CACNA1C: variants seen among roughly 807,000 people sequenced by gnomAD.
CACNA1C encodes the protein calcium voltage-gated channel subunit alpha1 C.
CACNA1C carries 30 observed loss-of-function variants against 229.0 expected under a neutral mutation model. That is an observed-to-expected ratio of 0.13 (90% confidence interval 0.10 to 0.18). CACNA1C has a LOEUF of 0.18. Among genes scored for constraint, CACNA1C ranks in the 10% least tolerant of loss-of-function variants. The probability of loss-of-function intolerance (pLI) is 1.00; values close to 1 mark genes in which losing one functional copy is unlikely to be tolerated. For synonymous variants in CACNA1C, 1,114 were observed against 1,132.5 expected (o/e 0.98, Z 0.33); for missense variants, 1,658 against 2,845.0 (o/e 0.58, Z 9.49).
chr12:2,356,490 A>G (rs11062200), intron 3 of CACNA1C, among the ~76,000 whole-genome samples: 18,219 of 152,278 alleles, frequency 0.12, 2,227 homozygotes, highest in African/African-American at 0.31. Context: ...CTGTATGCCC[A>G]GGAAAGGGGG....
At chr12:2,002,008 C>A (rs975887128) in intron 1 of CACNA1C, among the ~76,000 whole-genome samples, 1 of 152,122 alleles carries the variant, frequency 6.6e-6, no homozygotes, top group African/African-American at 2.4e-5. Context: ...ATTTTGGAGG[C>A]GGGGGGCAGT....
intron 3 of CACNA1C, among the ~76,000 whole-genome samples, chr12:2,230,581 A>G (rs1401523999): frequency 6.6e-6 from 1 of 152,202 alleles, no homozygotes; most frequent in Non-Finnish European, 1.5e-5. Flanking sequence ...CGGCCTCAGT[A>G]GCTGGCCGTC....
chr12:2,149,000 CTT>C (rs2094980086), intron 3 of CACNA1C, among the ~76,000 whole-genome samples: 1 of 152,020 alleles, frequency 6.6e-6, no homozygotes, highest in Non-Finnish European at 1.5e-5. Flanking sequence ...GAGAATATGA[CTT>C]TTCCTTGGGT....
Position 2,550,020 on chromosome 12 carries a change from G to A in CACNA1C, c.1468G>A (p.Gly490Arg), listed in dbSNP as rs121912775. 641 of 1,605,038 alleles carry A rather than the reference G, an allele frequency of 4.0e-4. 4 individuals are homozygous for A. The highest frequency in any genetic ancestry group is 1.7e-3 in the Middle Eastern group (10 of 6,050). Residue 490 changes from glycine (G) to arginine (R), a missense_variant, in exon 10 of 47, where the codon GGG (glycine) becomes AGG (arginine). Around this residue, in one of 20 missense-constraint regions of CACNA1C, gnomAD observed 149 missense variants for 194.2 expected, o/e 0.77. Transcript: ENST00000399655. ...AGGDIEGENC[G>R]ARLAHRISKS... ...AGGTGACATCGAGGGAGAAAACTGC[G>A]GGGCCAGGCTGGCGTGAGTAGGCAC...
chr12:2,237,085 C>T (rs960793478), intron 3 of CACNA1C, among the ~76,000 whole-genome samples: 3 of 152,128 alleles, frequency 2.0e-5, no homozygotes, highest in Non-Finnish European at 2.9e-5. Context: ...GCTTGCTTGT[C>T]GTGTGGGGCA....
chr12:2,310,448 A>G (rs1051233711), intron 3 of CACNA1C, among the ~76,000 whole-genome samples: 13 of 152,064 alleles, frequency 8.5e-5, no homozygotes, highest in African/African-American at 2.4e-4. Context: ...AGGCAAAATG[A>G]CATTGACAGA....
intron 5 of CACNA1C, among the ~76,000 whole-genome samples, chr12:2,462,619 C>A (rs528026363): frequency 6.6e-6 from 1 of 152,218 alleles, no homozygotes; most frequent in Non-Finnish European, 1.5e-5. Context: ...CATGGTTACA[C>A]GGACGCCCAT....
Position 2,135,677 on chromosome 12 carries a change from G to T in CACNA1C, c.477+15247G>T, listed in dbSNP as rs1460708117. ...CAGTCTGCCCGTTCTCAGATCTCCAGCCGCGTGCTGGGAGAACCACTGCTC... is the reference window on the plus strand; with the variant it reads ...CAGTCTGCCCGTTCTCAGATCTCCATCCGCGTGCTGGGAGAACCACTGCTC... On this transcript the variant is annotated intron_variant, in intron 3 of 46. Transcript: ENST00000399655. Among the ~76,000 whole-genome samples the T allele has an allele frequency of 2.1e-5, 3 of 144,176 alleles. 1 individual carries two copies. Among genetic ancestry groups the T allele is most frequent in the Non-Finnish European group, 4.5e-5 (3 of 66,962 alleles). 94.6% of individuals were successfully genotyped at this position (144,176 alleles called of 152,430 possible).
intron 34 of CACNA1C, chr12:2,659,991 G>T: frequency 5.0e-6 from 1 of 200,342 alleles, no homozygotes; most frequent in South Asian, 1.1e-4. Flanking sequence ...CATTGAAGTG[G>T]ACAGTGAATG....
chr12:2,076,381 C>A (rs911047170), intron 1 of CACNA1C, among the ~76,000 whole-genome samples: 1 of 152,054 alleles, frequency 6.6e-6, no homozygotes, highest in African/African-American at 2.4e-5. Flanking sequence ...CAAGAGGATA[C>A]GATAAATAAA....
rs2099700247 is a variant in CACNA1C, at chr12:2,486,939, C to T, written c.916+677C>T. The stretch of plus-strand genomic sequence containing the variant: ...TTTTGAGCCTTCCCACTTCACGTTC[C>T]TTCCATAAATCAATATATTTAACAG... On this transcript the variant is annotated intron_variant, in intron 6 of 46. Coordinates refer to ENST00000399655, the MANE Select transcript of CACNA1C (RefSeq NM_000719.7). The surrounding 1 kb of genome is among the most constrained non-coding windows in gnomAD (Gnocchi z 4.9). Among the ~76,000 whole-genome samples, 1 of 152,202 alleles carries T rather than the reference C, an allele frequency of 6.6e-6. No homozygotes were observed.
At chr12:2,567,278 T>C (rs538906614) in intron 12 of CACNA1C, among the ~76,000 whole-genome samples, 307 of 152,238 alleles carry the variant, frequency 2.0e-3, no homozygotes, top group Non-Finnish European at 3.1e-3. Flanking sequence ...TCTCTGAAAA[T>C]GGGCATGACG....
chr12:2,681,834 C>A lies in CACNA1C; in HGVS notation c.5445-716C>A. 1.0e-5 allele frequency: 7 copies of A among 696,338 alleles called. No homozygotes were observed. In the South Asian group the frequency reaches 1.1e-4, roughly 11 times the overall value. The allele number at this position is 696,338 out of a possible 1,614,324, so 43.1% of individuals were successfully genotyped here. A position where few individuals can be genotyped will look rare whatever the true frequency, so the allele number is the denominator to read the frequency against. On this transcript the variant is annotated intron_variant, in intron 42 of 46. Transcript: ENST00000399655. ...CTCAGGGGTCTGAGGATAAAGTGGGCCCAGCATGCAAGGTCTATAGAAAGC... is the reference window on the plus strand; with the variant it reads ...CTCAGGGGTCTGAGGATAAAGTGGGACCAGCATGCAAGGTCTATAGAAAGC...
upstream of CACNA1C, among the ~76,000 whole-genome samples, chr12:2,050,897 C>T (rs544665710): frequency 6.6e-6 from 1 of 152,312 alleles, no homozygotes; most frequent in East Asian, 1.9e-4. Flanking sequence ...GTATCTCAGG[C>T]ACTCACTCAT....
At chr12:2,572,339 T>TCC (rs1568494731) in intron 13 of CACNA1C, among the ~76,000 whole-genome samples, 1 of 29,138 alleles carries the variant, frequency 3.4e-5, no homozygotes, top group African/African-American at 1.3e-4. Flanking sequence ...CCTTCTCTTC[T>TCC]TCCTCCTCCT....
upstream of CACNA1C, among the ~76,000 whole-genome samples, chr12:2,051,286 G>C (rs2052153249): frequency 2.0e-5 from 3 of 152,178 alleles, no homozygotes; most frequent in Admixed American, 6.5e-5. Flanking sequence ...GGAGTGTCTG[G>C]GGCCCAGCCA....
At chr12:2,126,553 C>T (rs2090140813) in intron 3 of CACNA1C, among the ~76,000 whole-genome samples, 1 of 152,200 alleles carries the variant, frequency 6.6e-6, no homozygotes. Flanking sequence ...AAGAACAGTG[C>T]ATGTACTTTC....
In CACNA1C at chr12:2,275,590, A is replaced by G. The variant is rs1310246314; in HGVS notation, c.477+155160A>G. Among the ~76,000 whole-genome samples, 2 of 151,924 alleles carry G rather than the reference A, an allele frequency of 1.3e-5. No individual in the cohort carries two copies. The highest frequency in any genetic ancestry group is 2.1e-4 in the South Asian group (1 of 4,818). On this transcript the variant is annotated intron_variant, in intron 3 of 46. Transcript: ENST00000399655. The surrounding 1 kb of genome is among the most constrained non-coding windows in gnomAD (Gnocchi z 4.1). ...TGCACCTGCTTGTGGAGCCTGTGTC[A>G]TGGAAGAGAGGTGGCCTGACCACTC...
intron 26 of CACNA1C, among the ~76,000 whole-genome samples, chr12:2,607,692 G>A (rs1307856661): frequency 1.3e-5 from 2 of 152,246 alleles, no homozygotes; most frequent in Non-Finnish European, 1.5e-5. Flanking sequence ...GGCCTTGCAC[G>A]CTGCATCACC....
Sources: allele counts gnomAD v4.1 joint callset (sites outside exome capture counted in the v4.1 genomes callset), GRCh38; gene constraint gnomAD v4.1.1; regional missense constraint gnomAD v4.1.1; non-coding constraint Gnocchi (gnomAD v3.1); transcripts MANE v1.5; gene names NCBI Gene and HGNC (gene_info 2026-07-23, HGNC 2026-07-21).